The following LRRC56 variants were observed in gnomAD, a reference collection of about 807,000 sequenced individuals.
The protein encoded by LRRC56 is leucine-rich repeat-containing protein 56.
LRRC56 carries 41 observed loss-of-function variants against 47.8 expected under a neutral mutation model. The observed-to-expected ratio is 0.86, with a 90% confidence interval of 0.67 to 1.11. The LOEUF is 1.11. Ranked by LOEUF, LRRC56 falls within the 50% of genes most tolerant of loss-of-function variation. The pLI, the probability that LRRC56 is intolerant of heterozygous loss-of-function variation, is 0.00. For missense variants in LRRC56, 759 were observed against 704.2 expected, an observed-to-expected ratio of 1.08 and a Z score of -0.88; for synonymous variants, 387 against 311.2, an observed-to-expected ratio of 1.24 and a Z score of -2.56.
chr11:544,437 C>T (rs781199702), intron 5 of LRRC56, among the ~76,000 whole-genome samples: 29 of 152,290 alleles, frequency 1.9e-4, no homozygotes, highest in East Asian at 5.8e-4. Flanking sequence ...TGGCTACAGA[C>T]GAGGGGCGCG....
At chr11:553,227 G>A (rs969462345) in intron 13 of LRRC56, among the ~76,000 whole-genome samples, 1 of 152,258 alleles carries the variant, frequency 6.6e-6, no homozygotes, top group Non-Finnish European at 1.5e-5. Context: ...ACTGACTTCA[G>A]TGTGATCACA....
chr11:533,712 G>A (rs2133989129), upstream of LRRC56: 2 of 1,611,414 alleles, frequency 1.2e-6, no homozygotes, highest in South Asian at 1.1e-5. Context: ...GGACGCAGCC[G>A]GCCTGGCCCC....
At chr11:522,818 G>A in the LRRC56 span, among the ~76,000 whole-genome samples, 259 of 151,236 alleles carry the variant, frequency 1.7e-3, no homozygotes, top group Non-Finnish European at 2.9e-3. Flanking sequence ...GCGCAATCTC[G>A]GCTCACTGCA....
intron 5 of LRRC56, among the ~76,000 whole-genome samples, chr11:544,222 G>A (rs896053099): frequency 6.6e-6 from 1 of 152,204 alleles, no homozygotes; most frequent in Non-Finnish European, 1.5e-5. Flanking sequence ...TGTGCATGAC[G>A]GTCTGAGATG....
At chr11:545,689 C>T (rs1202697482) in intron 6 of LRRC56, among the ~76,000 whole-genome samples, 1 of 152,224 alleles carries the variant, frequency 6.6e-6, no homozygotes, top group Non-Finnish European at 1.5e-5. Flanking sequence ...GTTGGCGGCT[C>T]TCACGTCATC....
the LRRC56 span, among the ~76,000 whole-genome samples, chr11:511,334 A>G: frequency 1.3e-5 from 2 of 151,610 alleles, no homozygotes; most frequent in African/African-American, 2.4e-5. Context: ...AAAAAAAAAA[A>G]AAAGAAATGG....
Position 551,736 on chromosome 11 carries a change from C to G in LRRC56, c.882C>G (p.Pro294=), listed in dbSNP as rs1263742745. ...ETQSRASRPW[P]FSLLVRGGPL... is the part of the protein sequence containing the mutation. Reference sequence around the variant, plus strand: ...AGTCCCGGGCCTCCAGGCCCTGGCCCTTCTCCCTGCTGGTCCGTGGGGGCC... The same window carrying G: ...AGTCCCGGGCCTCCAGGCCCTGGCCGTTCTCCCTGCTGGTCCGTGGGGGCC... The change falls in exon 10 of 14, where the codon CCC becomes CCG. Residue 294 remains proline (P), a synonymous_variant. Coordinates refer to ENST00000270115, the MANE Select transcript of LRRC56 (RefSeq NM_198075.4). 1 of 1,611,582 alleles carries G rather than the reference C, an allele frequency of 6.2e-7. No individual in the cohort carries two copies. Among genetic ancestry groups the G allele is most frequent in the African/African-American group, 1.3e-5 (1 of 74,924 alleles).
At chr11:534,258 T>C (rs1445047175), upstream of LRRC56, 1 of 1,613,602 alleles carries the variant, frequency 6.2e-7, no homozygotes, top group Non-Finnish European at 8.5e-7. Flanking sequence ...CTGGATCAGC[T>C]GGATGGTCAG....
the LRRC56 span, among the ~76,000 whole-genome samples, chr11:518,768 A>G: frequency 6.6e-6 from 1 of 152,206 alleles, no homozygotes; most frequent in Non-Finnish European, 1.5e-5. Flanking sequence ...GCTGCCCACG[A>G]CGGGGCCGCC....
At chr11:521,649 T>A in the LRRC56 span, among the ~76,000 whole-genome samples, 6 of 152,154 alleles carry the variant, frequency 3.9e-5, no homozygotes, top group Non-Finnish European at 5.9e-5. Context: ...GTGAGGTGGC[T>A]CACGCCTGTA....
chr11:535,603 G>T (rs8176334), upstream of LRRC56: 1 of 151,212 alleles, frequency 6.6e-6, no homozygotes, highest in Non-Finnish European at 1.5e-5. Flanking sequence ...GCGCCCGTCC[G>T]TCTGCCAGGC....
the LRRC56 span, among the ~76,000 whole-genome samples, chr11:525,326 T>G: frequency 6.6e-6 from 1 of 151,716 alleles, no homozygotes; most frequent in East Asian, 2.0e-4. Flanking sequence ...GATCACGAGG[T>G]CAGGAGATCG....
chr11:534,459 C>A, upstream of LRRC56: 1 of 690,302 alleles, frequency 1.4e-6, no homozygotes, highest in Non-Finnish European at 2.5e-6. Context: ...ATCTGAAGGG[C>A]AAACCCACAG....
the LRRC56 span, chr11:506,859 G>A: frequency 2.8e-4 from 42 of 152,372 alleles, no homozygotes; most frequent in African/African-American, 9.6e-4. Flanking sequence ...AGCCCCAAAG[G>A]GGAGCGTGCA....
At chr11:532,675 ACT>A, upstream of LRRC56, 3 of 1,612,844 alleles carry the variant, frequency 1.9e-6, no homozygotes, top group Non-Finnish European at 2.5e-6. Context: ...AGCCGGGGCC[ACT>A]CTCATCAGGA....
intron 5 of LRRC56, among the ~76,000 whole-genome samples, chr11:543,326 T>G (rs1377868357): frequency 6.6e-6 from 1 of 151,952 alleles, no homozygotes; most frequent in African/African-American, 2.4e-5. Context: ...GCAATTCTCC[T>G]GCCTCAGCCT....
the LRRC56 span, among the ~76,000 whole-genome samples, chr11:517,570 C>G: frequency 2.0e-5 from 3 of 151,000 alleles, no homozygotes; most frequent in African/African-American, 4.9e-5. Flanking sequence ...GCCGTCCCAT[C>G]TGGGGGGTGA....
upstream of LRRC56, among the ~76,000 whole-genome samples, chr11:536,700 G>A (rs1258179453): frequency 6.6e-6 from 1 of 152,264 alleles, no homozygotes; most frequent in East Asian, 1.9e-4. Context: ...GAACCCGGGA[G>A]GCGGATGTTG....
chr11:547,502 G>A (rs192373477), intron 6 of LRRC56, among the ~76,000 whole-genome samples: 14,214 of 151,588 alleles, frequency 0.094, 907 homozygotes, highest in Admixed American at 0.18. Context: ...ACAGGCGCCT[G>A]CCACCACGCC....
Sources: allele counts gnomAD v4.1 joint callset (sites outside exome capture counted in the v4.1 genomes callset), GRCh38; gene constraint gnomAD v4.1.1; transcripts MANE v1.5; gene names NCBI Gene and HGNC (gene_info 2026-07-23, HGNC 2026-07-21).